The following NECAB2 variants were observed in gnomAD, a reference collection of about 807,000 sequenced individuals.
NECAB2 encodes N-terminal EF-hand calcium binding protein 2.
Under a neutral mutation model 51.9 loss-of-function variants are expected in NECAB2, and 68 were observed. The observed-to-expected ratio is 1.31, with a 90% confidence interval of 1.08 to 1.60. NECAB2 has a LOEUF of 1.60. Among genes scored for constraint, NECAB2 ranks in the 40% most tolerant of loss-of-function variants. The pLI is 0.00. For synonymous variants in NECAB2, 329 were observed against 203.5 expected, an observed-to-expected ratio of 1.62 and a Z score of -5.25; for missense variants, 854 against 490.3, an observed-to-expected ratio of 1.74 and a Z score of -7.00.
chr16:83,990,579 G>C lies in NECAB2; in HGVS notation c.545G>C (p.Ser182Thr), dbSNP rs761798844. The change falls in exon 6 of 13, where the codon AGC becomes ACC. Residue 182 changes from serine to threonine, a missense_variant. Ser to Thr is a moderately conservative substitution (Grantham distance 58, BLOSUM62 1). Coordinates refer to ENST00000305202, the MANE Select transcript of NECAB2 (RefSeq NM_019065.3). The stretch of plus-strand genomic sequence containing the variant: ...GCCAATCAGATCCAGTCGCTGCTGA[G>C]CTCAGTGGAGAGTGCGGTGGAGGCC... ...ETANQIQSLL[S>T]SVESAVEAIE... 6.2e-6 allele frequency: 10 copies of C among 1,614,186 alleles called. No homozygotes were observed. The South Asian group carries it at 1.1e-4, about 18-fold the overall frequency.
chr16:83,978,733 A>G (rs1762069853), intron 3 of NECAB2, among the ~76,000 whole-genome samples, 181 bp downstream of exon 3: 1 of 151,990 alleles, frequency 6.6e-6, no homozygotes, highest in South Asian at 2.1e-4. Context: ...GCAGATTCAT[A>G]TTGCATTGGC....
chr16:83,973,640 C>G (rs373697008), intron 2 of NECAB2, among the ~76,000 whole-genome samples: 1 of 152,054 alleles, frequency 6.6e-6, no homozygotes, highest in Admixed American at 6.5e-5. Context: ...GAGCCCTCAG[C>G]GTCATTGCCT....
At chr16:83,995,841 G>A (rs1264603736) in intron 8 of NECAB2, among the ~76,000 whole-genome samples, 2 of 152,310 alleles carry the variant, frequency 1.3e-5, no homozygotes, top group Admixed American at 6.5e-5. Context: ...CCCCCTTCCT[G>A]AAGCCAGCTG....
intron 9 of NECAB2, among the ~76,000 whole-genome samples, chr16:83,997,595 C>G (rs1418673867): frequency 2.2e-5 from 3 of 138,714 alleles, no homozygotes; most frequent in African/African-American, 5.4e-5. Context: ...TCAAGCAATT[C>G]TCCTGCCTCA....
intron 8 of NECAB2, among the ~76,000 whole-genome samples, chr16:83,996,129 T>C (rs1009097465): frequency 6.6e-6 from 1 of 152,168 alleles, no homozygotes; most frequent in Non-Finnish European, 1.5e-5. Context: ...GCTGGAAGGA[T>C]GGAGGCTCTA....
chr16:83,992,192 G>A (rs138963103), intron 6 of NECAB2, among the ~76,000 whole-genome samples: 15 of 145,484 alleles, frequency 1.0e-4, no homozygotes, highest in African/African-American at 2.5e-4. Context: ...TGAAAGAGAC[G>A]TGAAAGAGGA....
chr16:84,002,014 GCTGTGGGCCCA>G (rs1369133863), intron 12 of NECAB2, 98 bp downstream of exon 12: 29 of 1,357,930 alleles, frequency 2.1e-5, no homozygotes, highest in Non-Finnish European at 2.9e-5. Context: ...TTGCCTGCTT[GCTGTGGGCCCA>G]CTGTCAGCTC....
At chr16:83,994,039 T>C (rs1187365045) in intron 6 of NECAB2, among the ~76,000 whole-genome samples, 1 of 152,158 alleles carries the variant, frequency 6.6e-6, no homozygotes, top group Non-Finnish European at 1.5e-5. Context: ...ACTGAATCTC[T>C]TGGGGAAAAG....
chr16:83,981,352 G>C (rs943475416), intron 5 of NECAB2, among the ~76,000 whole-genome samples: 1 of 152,052 alleles, frequency 6.6e-6, no homozygotes, highest in Admixed American at 6.5e-5. Flanking sequence ...CCCGGAATCA[G>C]GCCTGATCCT....
At chr16:83,965,421 CG>C, upstream of NECAB2, 1 of 1,580,924 alleles carries the variant, frequency 6.3e-7, no homozygotes, top group Non-Finnish European at 8.6e-7. Context: ...GCGGTGACCC[CG>C]GCCTCAGACC....
At chr16:84,001,199 C>T (rs777377195) in intron 11 of NECAB2, among the ~76,000 whole-genome samples, 11 of 151,766 alleles carry the variant, frequency 7.2e-5, no homozygotes, top group East Asian at 1.9e-4. Flanking sequence ...GCTGAGTGCC[C>T]GGTACGAGGG....
intron 2 of NECAB2, among the ~76,000 whole-genome samples, chr16:83,976,044 G>C (rs1282007782): frequency 6.6e-6 from 1 of 152,114 alleles, no homozygotes; most frequent in Non-Finnish European, 1.5e-5. Flanking sequence ...GCACCTTGCT[G>C]GTCTCTGGCT....
upstream of NECAB2, among the ~76,000 whole-genome samples, chr16:83,966,834 C>A (rs1321797728): frequency 6.6e-6 from 1 of 152,222 alleles, no homozygotes; most frequent in Admixed American, 6.5e-5. Flanking sequence ...ACAGCAAATA[C>A]TCCTTTCATG....
rs2151082206 is a variant in NECAB2 at position 83,968,269 on chromosome 16, G to C, written c.-380G>C. Among the ~76,000 whole-genome samples the C allele has an allele frequency of 6.6e-6, 1 of 151,526 alleles. No individual in the cohort carries two copies. The highest frequency in any genetic ancestry group is 1.5e-5 in the Non-Finnish European group (1 of 67,736). On this transcript the variant is annotated 5_prime_UTR_variant, in exon 1 of 13. Coordinates refer to ENST00000305202, the MANE Select transcript of NECAB2 (RefSeq NM_019065.3). ...CTCTGCTGCGCGCCGCGAGTGGGAG[G>C]GGGGACTTTAGAAGCGGGGAGAGCA...
chr16:83,991,561 T>C (rs1167936985), intron 6 of NECAB2, among the ~76,000 whole-genome samples: 1 of 151,696 alleles, frequency 6.6e-6, no homozygotes, highest in Non-Finnish European at 1.5e-5. Flanking sequence ...GAGATGGGGT[T>C]TCACCATGTT....
chr16:83,975,628 C>T (rs951560050), intron 2 of NECAB2, among the ~76,000 whole-genome samples: 3 of 152,120 alleles, frequency 2.0e-5, no homozygotes, highest in Non-Finnish European at 4.4e-5. Context: ...ACCGGATGCC[C>T]AGTCCCTATG....
intron 6 of NECAB2, 36 bp downstream of exon 6, chr16:83,990,666 T>C (rs746916568): frequency 5.0e-6 from 8 of 1,610,686 alleles, no homozygotes; most frequent in Non-Finnish European, 6.8e-6. Flanking sequence ...CCCATGGGGG[T>C]ATGCCGTGCA....
intron 5 of NECAB2, among the ~76,000 whole-genome samples, chr16:83,986,653 CAGGT>C (rs2084560474): frequency 6.6e-6 from 1 of 151,824 alleles, no homozygotes; most frequent in African/African-American, 2.4e-5. Context: ...GCTGGGAACA[CAGGT>C]GGGTGCCACC....
intron 2 of NECAB2, among the ~76,000 whole-genome samples, chr16:83,978,004 G>C (rs1300603373): frequency 4.6e-5 from 7 of 152,144 alleles, no homozygotes; most frequent in African/African-American, 1.7e-4. Flanking sequence ...GCTCACAGTG[G>C]GTTATCTTAA....
Sources: allele counts gnomAD v4.1 joint callset (sites outside exome capture counted in the v4.1 genomes callset), GRCh38; gene constraint gnomAD v4.1.1; transcripts MANE v1.5; gene names NCBI Gene and HGNC (gene_info 2026-07-23, HGNC 2026-07-21).